The following CD44 variants were observed in gnomAD, a reference collection of about 807,000 sequenced individuals.
CD44 encodes the protein CD44 molecule (IN blood group), also known as CD44 antigen.
CD44 carries 49 observed loss-of-function variants against 88.8 expected under a neutral mutation model. That is an observed-to-expected ratio of 0.55 (90% CI 0.44 to 0.70). The LOEUF is 0.70. CD44 is among the 30% of genes least tolerant of loss of function. The pLI, the probability that CD44 is intolerant of heterozygous loss-of-function variation, is 0.00. For missense variants in CD44, 883 were observed against 913.8 expected, an observed-to-expected ratio of 0.97 and a Z score of 0.43; for synonymous variants, 325 against 312.3, an observed-to-expected ratio of 1.04 and a Z score of -0.43.
intron 4 of CD44, among the ~76,000 whole-genome samples, chr11:35,189,119 T>C (rs117369400): frequency 0.018 from 2,665 of 152,282 alleles, 43 homozygotes; most frequent in Non-Finnish European, 0.025. Context: ...CATTCAGGCT[T>C]TTTCTTCTCC....
chr11:35,144,562 C>T (rs1858722756), intron 1 of CD44, among the ~76,000 whole-genome samples: 3 of 152,170 alleles, frequency 2.0e-5, no homozygotes, highest in South Asian at 4.2e-4. Flanking sequence ...TTTAAGTGTA[C>T]CCCCCACAGC....
intron 13 of CD44, chr11:35,210,763 A>C (rs982178594): frequency 6.1e-6 from 1 of 164,206 alleles, no homozygotes; most frequent in South Asian, 1.5e-4. Flanking sequence ...GATGACTAAA[A>C]AGCAGTCCCT....
chr11:35,170,934 G>T lies in CD44; in HGVS notation c.68-5641G>T, dbSNP rs1248156405. Among the ~76,000 whole-genome samples, 4 of 152,140 alleles carry T rather than the reference G, an allele frequency of 2.6e-5. No homozygotes were observed. In the East Asian group the frequency reaches 7.7e-4, roughly 29 times the overall value. On this transcript the variant is annotated intron_variant, in intron 1 of 17. Transcript: ENST00000428726. ...TAATTCTACTTCATTGTGAGTTTGG[G>T]CATGTTTCTTTATTTCTTCCCCTCT...
rs891061660 is a variant in CD44, at chr11:35,231,810, T to A, written c.*2477T>A. On this transcript the variant is annotated 3_prime_UTR_variant, in exon 18 of 18. Coordinates refer to ENST00000428726, the MANE Select transcript of CD44 (RefSeq NM_000610.4). The stretch of plus-strand genomic sequence containing the variant: ...TAAAAGTAAAAGGCCAACATTTAAT[T>A]ATTTTGCAAAGCAACCTAAGAGCTA... 2 of 152,224 alleles carry A rather than the reference T, an allele frequency of 1.3e-5. No homozygotes were observed. The highest frequency in any genetic ancestry group is 6.5e-5 in the Admixed American group (1 of 15,284). The allele number at this position is 152,224 out of a possible 1,614,324, so 9.4% of individuals were successfully genotyped here.
intron 1 of CD44, among the ~76,000 whole-genome samples, chr11:35,157,466 A>C (rs2133273933): frequency 6.6e-6 from 1 of 152,118 alleles, no homozygotes; most frequent in Non-Finnish European, 1.5e-5. Flanking sequence ...TCTATCATCT[A>C]TCTGCCATAT....
intron 3 of CD44, among the ~76,000 whole-genome samples, chr11:35,182,055 A>C (rs937841582): frequency 1.6e-4 from 21 of 135,076 alleles, no homozygotes; most frequent in Non-Finnish European, 2.4e-4. Flanking sequence ...ATATAAAATC[A>C]AGATATCACA....
rs557223902 is a variant in CD44 at position 35,153,395 on chromosome 11, C to A, written c.67+14025C>A. On this transcript the variant is annotated intron_variant, in intron 1 of 17. Transcript: ENST00000428726. ...GTTCCCTGTGCACAGTCTTGCACACCCATATTTGGTATTTTTTTATCCTTT... is the reference window on the plus strand; with the variant it reads ...GTTCCCTGTGCACAGTCTTGCACACACATATTTGGTATTTTTTTATCCTTT... 3.0e-3 allele frequency among the ~76,000 whole-genome samples: 460 copies of A among 152,184 alleles called. 6 individuals carry two copies. Among genetic ancestry groups the A allele is most frequent in the African/African-American group, 0.011 (443 of 41,516 alleles).
chr11:35,201,231 T>C (rs769548167), intron 8 of CD44, 36 bp downstream of exon 8: 3 of 1,438,144 alleles, frequency 2.1e-6, no homozygotes, highest in African/African-American at 1.4e-5. Context: ...AAGATTTTTT[T>C]CCCCTCAAAG....
At chr11:35,172,300 G>A (rs1943996095) in intron 1 of CD44, among the ~76,000 whole-genome samples, 1 of 152,156 alleles carries the variant, frequency 6.6e-6, no homozygotes, top group Admixed American at 6.6e-5. Flanking sequence ...AAATGCTTCA[G>A]GATCTTGATC....
At chr11:35,181,951 T>C (rs1945153835) in intron 3 of CD44, among the ~76,000 whole-genome samples, 2 of 98,124 alleles carry the variant, frequency 2.0e-5, no homozygotes, top group African/African-American at 4.2e-5. Flanking sequence ...ATATAATATA[T>C]ATAAATTTTA....
chr11:35,163,558 T>C (rs1410397234), intron 1 of CD44, among the ~76,000 whole-genome samples: 1 of 152,220 alleles, frequency 6.6e-6, no homozygotes, highest in Admixed American at 6.5e-5. Flanking sequence ...AGAAATCCAG[T>C]CCATTCATCA....
chr11:35,196,053 G>A (rs530280192), intron 5 of CD44, among the ~76,000 whole-genome samples: 1 of 152,140 alleles, frequency 6.6e-6, no homozygotes, highest in East Asian at 1.9e-4. Context: ...GAATGATATT[G>A]GTTGCCCAAG....
intron 3 of CD44, among the ~76,000 whole-genome samples, chr11:35,184,770 A>G (rs1565087655): frequency 6.6e-6 from 1 of 152,196 alleles, no homozygotes; most frequent in Non-Finnish European, 1.5e-5. Flanking sequence ...ATGAAGAGTT[A>G]TATCTGTAAC....
chr11:35,227,042 C>A (rs1055735872), intron 17 of CD44, among the ~76,000 whole-genome samples: 1 of 151,888 alleles, frequency 6.6e-6, no homozygotes, highest in East Asian at 1.9e-4. Context: ...CACCACCATG[C>A]CCCCATGACC....
chr11:35,150,493 G>C (rs113703722), intron 1 of CD44, among the ~76,000 whole-genome samples: 3 of 152,164 alleles, frequency 2.0e-5, no homozygotes, highest in African/African-American at 7.2e-5. Context: ...AAGATTGCAC[G>C]ACTTAGGATT....
At chr11:35,211,084 A>G (rs927228800) in intron 13 of CD44, among the ~76,000 whole-genome samples, 162 bp from the exon 14 acceptor site, 6 of 152,226 alleles carry the variant, frequency 3.9e-5, no homozygotes, top group African/African-American at 1.4e-4. Flanking sequence ...CTATTGCAAA[A>G]TATTTATTCT....
chr11:35,200,308 G>A lies in CD44; in HGVS notation c.923-774G>A, dbSNP rs961205832. ...TTTTGTCATGATCCTTCTGTTAGGT[G>A]CATCTCTTATTCCAGCCCTAACAGA... On this transcript the variant is annotated intron_variant, in intron 7 of 17. Coordinates refer to ENST00000428726, the MANE Select transcript of CD44 (RefSeq NM_000610.4). 7.2e-5 allele frequency among the ~76,000 whole-genome samples: 11 copies of A among 152,140 alleles called. No individual in the cohort carries two copies. The East Asian group carries it at 2.1e-3, about 29-fold the overall frequency.
chr11:35,183,292 C>T (rs186039346), intron 3 of CD44, among the ~76,000 whole-genome samples: 43 of 148,004 alleles, frequency 2.9e-4, no homozygotes, highest in African/African-American at 1.1e-3. Context: ...CTGGAGGCTA[C>T]ATTTCTTGTC....
intron 3 of CD44, among the ~76,000 whole-genome samples, chr11:35,183,221 T>C (rs762601340): frequency 1.2e-4 from 19 of 152,108 alleles, no homozygotes; most frequent in Non-Finnish European, 2.5e-4. Context: ...TTAAAGGGAA[T>C]ATTTATTGAT....
Sources: allele counts gnomAD v4.1 joint callset (sites outside exome capture counted in the v4.1 genomes callset), GRCh38; gene constraint gnomAD v4.1.1; transcripts MANE v1.5; gene names NCBI Gene and HGNC (gene_info 2026-07-23, HGNC 2026-07-21).